The following TECR variants were observed in gnomAD, a reference collection of about 807,000 sequenced individuals.
TECR encodes trans-2,3-enoyl-CoA reductase, also known as very-long-chain enoyl-CoA reductase.
Under a neutral mutation model 50.6 loss-of-function variants are expected in TECR, and 19 were observed. That is an observed-to-expected ratio of 0.38 (90% CI 0.26 to 0.55). TECR has a LOEUF of 0.55. TECR is among the 20% of genes least tolerant of loss of function. TECR has a pLI of 0.79. For synonymous variants in TECR, 168 were observed against 163.5 expected, an observed-to-expected ratio of 1.03 and a Z score of -0.21; for missense variants, 313 against 408.3, an observed-to-expected ratio of 0.77 and a Z score of 2.01.
At position 14,563,804 on chromosome 19, in the gene TECR, C is replaced by T; in HGVS notation, c.168C>T (p.Gly56=). Residue 56 remains glycine (G), a synonymous_variant, in exon 5 of 13, where the codon GGC becomes GGT. Coordinates refer to ENST00000215567, the MANE Select transcript of TECR (RefSeq NM_138501.6). The surrounding 1 kb of genome is among the most constrained non-coding windows in gnomAD (Gnocchi z 5.3). ...ARQSLRLDPK[G]KSLKDEDVLQ... ...CCCTGGCCCGCCTCTCTGCAGAGGG[C>T]AAGTCCCTGAAGGATGAGGATGTTC... The T allele has an allele frequency of 6.2e-7, 1 of 1,613,838 alleles. No individual in the cohort carries two copies. The highest frequency in any genetic ancestry group is 2.2e-5 in the East Asian group (1 of 44,862).
chr19:14,546,124 C>T (rs1413757265), intron 1 of TECR, among the ~76,000 whole-genome samples: 3 of 152,156 alleles, frequency 2.0e-5, no homozygotes, highest in Non-Finnish European at 4.4e-5. Flanking sequence ...TCCTTCTGCA[C>T]CTGGGGTGGT....
intron 1 of TECR, among the ~76,000 whole-genome samples, chr19:14,544,535 C>T (rs1426116198): frequency 6.6e-6 from 1 of 151,538 alleles, no homozygotes; most frequent in African/African-American, 2.4e-5. Context: ...GCTTTGAGTG[C>T]GGGTCCTGAG....
chr19:14,533,513 G>A (rs1373066857), intron 1 of TECR, among the ~76,000 whole-genome samples: 2 of 152,172 alleles, frequency 1.3e-5, no homozygotes, highest in Admixed American at 6.6e-5. Flanking sequence ...GTTGGCCCCT[G>A]GAGAGACCTT....
At chr19:14,537,744 GTTTTTTTTTT>G (rs533380690) in intron 1 of TECR, among the ~76,000 whole-genome samples, 1 of 126,274 alleles carries the variant, frequency 7.9e-6, no homozygotes, top group Non-Finnish European at 1.7e-5. Context: ...AATTATCAGT[GTTTTTTTTTT>G]TTTTTTTTTG....
At chr19:14,550,872 A>G (rs773831415) in intron 1 of TECR, among the ~76,000 whole-genome samples, 8 of 151,892 alleles carry the variant, frequency 5.3e-5, no homozygotes, top group African/African-American at 9.7e-5. Context: ...GGGTTTCACC[A>G]TGTTAGCCAG....
chr19:14,555,113 C>T (rs1404297160), intron 1 of TECR, among the ~76,000 whole-genome samples: 1 of 150,804 alleles, frequency 6.6e-6, no homozygotes, highest in Non-Finnish European at 1.5e-5. Flanking sequence ...CTTGCTTTGT[C>T]CCCCAGGCAG....
At chr19:14,561,998 G>A (rs905423089) in intron 1 of TECR, 7 of 247,570 alleles carry the variant, frequency 2.8e-5, no homozygotes, top group South Asian at 6.2e-5. Context: ...GGGAGGTGTT[G>A]TCATGCCTGC....
At chr19:14,543,415 ATATATTTTTTTTTTTTTTTTTTTTTTTTT>A (rs1036700833) in intron 1 of TECR, among the ~76,000 whole-genome samples, 1 of 9,488 alleles carries the variant, frequency 1.1e-4, no homozygotes, top group Non-Finnish European at 2.4e-4. Context: ...ATATATATAT[ATATATTTTTTTTTTTTTTTTTTTTTTTTT>A]TTTTTTTTTT....
intron 1 of TECR, chr19:14,530,849 A>G (rs946245239): frequency 5.9e-5 from 9 of 152,204 alleles, no homozygotes; most frequent in African/African-American, 2.2e-4. Context: ...GAACATTCAC[A>G]TTGTTGTGCA....
chr19:14,529,278 C>G (rs548364573), upstream of TECR: 1 of 340,328 alleles, frequency 2.9e-6, no homozygotes, highest in South Asian at 2.7e-5. Context: ...AACTTCTTAC[C>G]CCGCCCCCGC....
At position 14,563,184 on chromosome 19, in the gene TECR, C is replaced by T. The variant is rs1002309131; in HGVS notation, c.67-22C>T. On this transcript the variant is annotated intron_variant, in intron 2 of 12. Transcript: ENST00000215567. This position sits in a 1 kb window ranked among gnomAD's most constrained non-coding sequence, Gnocchi z 5.3. ...CTGGGCTCCCCGCAGAGCTGACGTC[C>T]CTGCGCCTGTGCTTCCCCCAGGTGG... 5.0e-6 allele frequency: 8 copies of T among 1,613,794 alleles called. No homozygotes were observed. The highest frequency in any genetic ancestry group is 1.3e-5 in the African/African-American group (1 of 74,870).
At chr19:14,540,992 AT>A (rs957865253) in intron 1 of TECR, among the ~76,000 whole-genome samples, 2 of 151,698 alleles carry the variant, frequency 1.3e-5, no homozygotes, top group African/African-American at 2.4e-5. Flanking sequence ...CACGCTGCTA[AT>A]TTTGGTATTT....
intron 1 of TECR, among the ~76,000 whole-genome samples, chr19:14,558,786 G>A (rs1599486750): frequency 6.6e-6 from 1 of 152,034 alleles, no homozygotes; most frequent in Non-Finnish European, 1.5e-5. Context: ...GAGTGGCTCC[G>A]TGGGCTTCCT....
chr19:14,564,481 G>A (rs936189279), intron 7 of TECR, among the ~76,000 whole-genome samples, 194 bp downstream of exon 7: 4 of 10,164 alleles, frequency 3.9e-4, no homozygotes, highest in East Asian at 5.0e-3. Context: ...CCCCAGCCCC[G>A]CCCCCGTCGG....
chr19:14,538,975 CA>C (rs1436599148), intron 1 of TECR, among the ~76,000 whole-genome samples: 2 of 148,234 alleles, frequency 1.3e-5, no homozygotes, highest in African/African-American at 2.5e-5. Context: ...ATGCAAGTCA[CA>C]TTTTTTTTTT....
At chr19:14,551,400 G>C (rs893435318) in intron 1 of TECR, among the ~76,000 whole-genome samples, 2 of 152,082 alleles carry the variant, frequency 1.3e-5, no homozygotes, top group African/African-American at 2.4e-5. Context: ...TGTAGAGAAG[G>C]AGTTTTGACA....
At chr19:14,529,808 C>G (rs1033545317) in intron 1 of TECR, 97 bp downstream of exon 1, 51 of 1,571,134 alleles carry the variant, frequency 3.2e-5, no homozygotes, top group Non-Finnish European at 4.4e-5. Context: ...TCCTGTGCCC[C>G]GAAGGAAGAG....
intron 1 of TECR, among the ~76,000 whole-genome samples, chr19:14,554,115 C>G (rs994020866): frequency 1.3e-5 from 2 of 152,178 alleles, no homozygotes; most frequent in Non-Finnish European, 2.9e-5. Context: ...TGGCTTTCAA[C>G]ATGCACGCGT....
intron 1 of TECR, among the ~76,000 whole-genome samples, chr19:14,547,386 A>G (rs1418066579): frequency 6.6e-6 from 1 of 151,962 alleles, no homozygotes; most frequent in African/African-American, 2.4e-5. Flanking sequence ...TTTGAGACAG[A>G]GTCTCAGTCT....
Sources: allele counts gnomAD v4.1 joint callset (sites outside exome capture counted in the v4.1 genomes callset), GRCh38; gene constraint gnomAD v4.1.1; non-coding constraint Gnocchi (gnomAD v3.1); transcripts MANE v1.5; gene names NCBI Gene and HGNC (gene_info 2026-07-23, HGNC 2026-07-21).